DACH1: variants seen among roughly 807,000 people sequenced by gnomAD.
DACH1 encodes dachshund homolog 1.
In DACH1, 12 loss-of-function variants were observed where a neutral mutation model predicts 54.2. The ratio of observed to expected loss-of-function variants is 0.22; its 90% CI spans 0.14 to 0.36. The LOEUF is 0.36. DACH1 is among the 10% of genes least tolerant of loss of function. The pLI, the probability that DACH1 is intolerant of heterozygous loss-of-function variation, is 1.00. For missense variants in DACH1, 805 were observed against 929.8 expected, an observed-to-expected ratio of 0.87 and a Z score of 1.75; for synonymous variants, 386 against 366.2, an observed-to-expected ratio of 1.05 and a Z score of -0.62.
chr13:71,850,142 G>A (rs1873563425), intron 1 of DACH1, among the ~76,000 whole-genome samples: 1 of 152,144 alleles, frequency 6.6e-6, no homozygotes, highest in Non-Finnish European at 1.5e-5. Context: ...GTATACATCA[G>A]TACATTTGGT....
chr13:71,815,821 C>G (rs1017794947), intron 1 of DACH1, among the ~76,000 whole-genome samples: 2 of 152,164 alleles, frequency 1.3e-5, no homozygotes, highest in Non-Finnish European at 2.9e-5. Context: ...CGCGGTGGCT[C>G]ACGCCTGTAA....
intron 1 of DACH1, among the ~76,000 whole-genome samples, chr13:71,748,141 C>G (rs181232870): frequency 6.6e-6 from 1 of 150,978 alleles, no homozygotes; most frequent in Non-Finnish European, 1.5e-5. Context: ...CAGATTAACA[C>G]GTTGTGAACA....
intron 3 of DACH1, among the ~76,000 whole-genome samples, chr13:71,625,272 G>T (rs1482262620): frequency 6.6e-6 from 1 of 151,978 alleles, no homozygotes; most frequent in Admixed American, 6.6e-5. Flanking sequence ...CCAAGGCAGA[G>T]AATCCAATGT....
chr13:71,800,273 T>C (rs1887238537), intron 1 of DACH1, among the ~76,000 whole-genome samples: 1 of 152,080 alleles, frequency 6.6e-6, no homozygotes, highest in African/African-American at 2.4e-5. Flanking sequence ...AAGCTTCCAA[T>C]GGTTGCAAAG....
At chr13:71,781,421 C>T (rs1196803816) in intron 1 of DACH1, among the ~76,000 whole-genome samples, 1 of 151,232 alleles carries the variant, frequency 6.6e-6, no homozygotes, top group African/African-American at 2.4e-5. Context: ...CTCTGTCACC[C>T]AGGCTGGAGT....
At chr13:71,441,073 T>A (rs1292194866) in intron 10 of DACH1, among the ~76,000 whole-genome samples, 1 of 152,010 alleles carries the variant, frequency 6.6e-6, no homozygotes, top group African/African-American at 2.4e-5. Flanking sequence ...CTCAGGTGTA[T>A]CTCCATCAGG....
At chr13:71,685,928 A>T (rs1881135908) in intron 1 of DACH1, among the ~76,000 whole-genome samples, 1 of 152,190 alleles carries the variant, frequency 6.6e-6, no homozygotes, top group South Asian at 2.1e-4. Flanking sequence ...AGTTATTCTT[A>T]AAAAGAAAAT....
intron 1 of DACH1, among the ~76,000 whole-genome samples, chr13:71,690,171 C>G (rs916454302): frequency 1.3e-5 from 2 of 152,126 alleles, no homozygotes; most frequent in African/African-American, 4.8e-5. Context: ...CTTTCCCACA[C>G]TCACAAAAAT....
At chr13:71,665,083 A>G (rs1429380099) in intron 2 of DACH1, among the ~76,000 whole-genome samples, 2 of 152,012 alleles carry the variant, frequency 1.3e-5, no homozygotes, top group African/African-American at 4.8e-5. Flanking sequence ...TATTTAGGGT[A>G]AAGTAGCATG....
At chr13:71,680,855 A>G (rs912665209) in intron 2 of DACH1, among the ~76,000 whole-genome samples, 61 of 152,252 alleles carry the variant, frequency 4.0e-4, no homozygotes, top group African/African-American at 1.5e-3. Context: ...TGATTATATC[A>G]GAGCACACAG....
intron 4 of DACH1, among the ~76,000 whole-genome samples, chr13:71,568,180 T>C (rs2138403414): frequency 6.6e-6 from 1 of 152,096 alleles, no homozygotes; most frequent in East Asian, 1.9e-4. Context: ...GAATGGAAAC[T>C]AAAAATCTTA....
chr13:71,660,930 G>A lies in DACH1; in HGVS notation c.964+20865C>T, dbSNP rs528097029. ...AAATGTCCAATATCTAGTGATAGAC[G>A]TAACACTCTTTAGAGAGTATTATGG... On this transcript the variant is annotated intron_variant, in intron 2 of 10. Coordinates refer to ENST00000613252, the MANE Select transcript of DACH1 (RefSeq NM_080759.6). Among the ~76,000 whole-genome samples, 11 of 150,132 alleles carry A rather than the reference G, an allele frequency of 7.3e-5. No homozygotes were observed. In the South Asian group the frequency reaches 1.9e-3, roughly 26 times the overall value.
intron 1 of DACH1, among the ~76,000 whole-genome samples, chr13:71,861,713 GTC>G (rs1200457224): frequency 6.6e-6 from 1 of 151,788 alleles, no homozygotes; most frequent in East Asian, 1.9e-4. Context: ...CAAAAGCAGA[GTC>G]TCTCTTCATT....
At chr13:71,779,305 T>G (rs529151406) in intron 1 of DACH1, among the ~76,000 whole-genome samples, 2 of 144,194 alleles carry the variant, frequency 1.4e-5, no homozygotes, top group Non-Finnish European at 3.0e-5. Context: ...ATATATATAT[T>G]TATATACATA....
chr13:71,793,695 A>G (rs934155477), intron 1 of DACH1, among the ~76,000 whole-genome samples: 2 of 151,892 alleles, frequency 1.3e-5, no homozygotes, highest in East Asian at 3.9e-4. Flanking sequence ...TTGTCTGGCT[A>G]ATTTTATTTT....
intron 2 of DACH1, among the ~76,000 whole-genome samples, chr13:71,656,805 TATAG>T (rs796393836): frequency 1.2e-4 from 18 of 148,344 alleles, no homozygotes; most frequent in Admixed American, 3.4e-4. Context: ...ACTTGAAAAG[TATAG>T]ATAGATAGAC....
rs539739888 is a variant in DACH1 at position 71,507,241 on chromosome 13, G to T, written c.1571-18093C>A. 2.0e-5 allele frequency among the ~76,000 whole-genome samples: 3 copies of T among 152,132 alleles called. No individual in the cohort carries two copies. In the East Asian group the frequency reaches 5.8e-4, roughly 29 times the overall value. On this transcript the variant is annotated intron_variant, in intron 6 of 10. Coordinates refer to ENST00000613252, the MANE Select transcript of DACH1 (RefSeq NM_080759.6). ...ATTAGTGTTTCTTCCTTTAAGCTGG[G>T]AATCCTCATAAATATAGTATTCTCT... is the stretch of plus-strand genomic sequence containing the variant.
rs996164080 is a variant in DACH1, at chr13:71,857,609, A to G, written c.848+8313T>C. Among the ~76,000 whole-genome samples, 5 of 151,806 alleles carry G rather than the reference A, an allele frequency of 3.3e-5. No homozygotes were observed. In the South Asian group the frequency reaches 1.0e-3, roughly 31 times the overall value. On this transcript the variant is annotated intron_variant, in intron 1 of 10. Coordinates refer to ENST00000613252, the MANE Select transcript of DACH1 (RefSeq NM_080759.6). ...AAATATCCACCACAGAGTTCTCTAAACTACTGATAAAAATTTTACACTTGT... is the reference window on the plus strand; with the variant it reads ...AAATATCCACCACAGAGTTCTCTAAGCTACTGATAAAAATTTTACACTTGT...
chr13:71,517,551 G>C (rs1212459041), intron 6 of DACH1, among the ~76,000 whole-genome samples: 1 of 151,722 alleles, frequency 6.6e-6, no homozygotes, highest in African/African-American at 2.4e-5. Context: ...TTGGTCTTTA[G>C]AAGCCAAATA....
Sources: allele counts gnomAD v4.1 joint callset (sites outside exome capture counted in the v4.1 genomes callset), GRCh38; gene constraint gnomAD v4.1.1; transcripts MANE v1.5; gene names NCBI Gene and HGNC (gene_info 2026-07-23, HGNC 2026-07-21).